Variants in USP15 observed in about 807,000 individuals in gnomAD.
USP15 encodes the protein ubiquitin specific peptidase 15, also known as ubiquitin carboxyl-terminal hydrolase 15.
USP15 carries 18 observed loss-of-function variants against 127.1 expected under a neutral mutation model. The observed-to-expected ratio is 0.14, with a 90% CI of 0.10 to 0.21. USP15 has a LOEUF of 0.21. Ranked by LOEUF, USP15 falls within the 10% of genes least tolerant of loss-of-function variation. The pLI, the probability that USP15 is intolerant of heterozygous loss-of-function variation, is 1.00. For synonymous variants in USP15, 364 were observed against 393.7 expected (o/e 0.92, Z 0.89); for missense variants, 805 against 1,159.9 (o/e 0.69, Z 4.44).
At position 62,404,529 on chromosome 12, in the gene USP15, T is replaced by C. The variant is rs1009553351; in HGVS notation, c.*154T>C. ...TATCAGATTTTAACTTGTGCAGTAC[T>C]TGAAGTGAAACACAATGAAAACTTT... On this transcript the variant is annotated 3_prime_UTR_variant, in exon 22 of 22. Coordinates refer to ENST00000280377, the MANE Select transcript of USP15 (RefSeq NM_001252078.2). The C allele has an allele frequency of 1.8e-6, 2 of 1,100,240 alleles. No individual in the cohort carries two copies. Among genetic ancestry groups the C allele is most frequent in the Non-Finnish European group, 2.4e-6 (2 of 833,436 alleles). The allele number at this position is 1,100,240 out of a possible 1,614,324, so 68.2% of individuals were successfully genotyped here. A position where few individuals can be genotyped will look rare whatever the true frequency, so the allele number is the denominator to read the frequency against.
At chr12:62,274,520 C>T (rs997423311) in intron 1 of USP15, among the ~76,000 whole-genome samples, 4 of 151,906 alleles carry the variant, frequency 2.6e-5, no homozygotes, top group Admixed American at 1.3e-4. Context: ...GTGGTGCTGT[C>T]TGTCGTCCCA....
intron 1 of USP15, among the ~76,000 whole-genome samples, chr12:62,292,089 G>A (rs1209695006): frequency 6.6e-6 from 1 of 152,034 alleles, no homozygotes; most frequent in Admixed American, 6.5e-5. Context: ...CAGGGGAGAG[G>A]GGAGTCATTG....
chr12:62,316,694 C>G (rs377193251), intron 4 of USP15, among the ~76,000 whole-genome samples: 1 of 151,876 alleles, frequency 6.6e-6, no homozygotes, highest in African/African-American at 2.4e-5. Context: ...AAATATGAGA[C>G]CATCAGAGAT....
chr12:62,278,908 A>G (rs941874581), intron 1 of USP15, among the ~76,000 whole-genome samples: 1 of 152,170 alleles, frequency 6.6e-6, no homozygotes, highest in Non-Finnish European at 1.5e-5. Context: ...GATATTAGAA[A>G]TATGGTTTCT....
intron 1 of USP15, among the ~76,000 whole-genome samples, chr12:62,266,161 T>G (rs911324331): frequency 1.3e-5 from 2 of 152,214 alleles, no homozygotes; most frequent in African/African-American, 4.8e-5. Flanking sequence ...CTTTTGAATT[T>G]TAATTGTCTA....
intron 6 of USP15, among the ~76,000 whole-genome samples, chr12:62,338,781 G>C (rs796156595): frequency 6.6e-6 from 1 of 152,146 alleles, no homozygotes; most frequent in Non-Finnish European, 1.5e-5. Flanking sequence ...CATGGTTGTA[G>C]ATGTGTGGAG....
intron 6 of USP15, among the ~76,000 whole-genome samples, chr12:62,348,990 C>G (rs969174567): frequency 3.9e-5 from 6 of 152,014 alleles, no homozygotes; most frequent in African/African-American, 1.4e-4. Context: ...TAGCAAGTCG[C>G]ATATTTAATT....
intron 6 of USP15, chr12:62,328,342 T>G: frequency 2.2e-6 from 1 of 452,450 alleles, no homozygotes; most frequent in South Asian, 1.6e-5. Context: ...TGATGTAGTA[T>G]GAAAGCAGCC....
At chr12:62,330,724 G>A (rs536103874) in intron 6 of USP15, among the ~76,000 whole-genome samples, 3 of 148,634 alleles carry the variant, frequency 2.0e-5, no homozygotes, top group Non-Finnish European at 4.5e-5. Flanking sequence ...AGTTCAAGAC[G>A]ACTCTGTGCA....
In USP15 at chr12:62,370,263, G is replaced by A. The variant is rs578182479; in HGVS notation, c.916-11227G>A. 5.3e-5 allele frequency among the ~76,000 whole-genome samples: 8 copies of A among 152,194 alleles called. No homozygotes were observed. In the South Asian group the frequency reaches 1.2e-3, roughly 24 times the overall value. ...ATACTTTTAACCTCACCTCTTCACT[G>A]TCTTTCTTCCTTTCAGCGTATATAC... On this transcript the variant is annotated intron_variant, in intron 8 of 21. Coordinates refer to ENST00000280377, the MANE Select transcript of USP15 (RefSeq NM_001252078.2).
chr12:62,322,593 C>T (rs1305344415), intron 5 of USP15, among the ~76,000 whole-genome samples: 1 of 152,092 alleles, frequency 6.6e-6, no homozygotes, highest in Non-Finnish European at 1.5e-5. Flanking sequence ...TATCTCCAGG[C>T]TCTTGTATGT....
intron 19 of USP15, among the ~76,000 whole-genome samples, chr12:62,395,906 C>T (rs1464234824): frequency 6.6e-6 from 1 of 151,918 alleles, no homozygotes; most frequent in Non-Finnish European, 1.5e-5. Flanking sequence ...TTGATAGACA[C>T]TTAGTTCCAT....
intron 20 of USP15, among the ~76,000 whole-genome samples, chr12:62,396,974 G>T (rs1443674764): frequency 6.6e-6 from 1 of 152,196 alleles, no homozygotes; most frequent in Non-Finnish European, 1.5e-5. Flanking sequence ...GTGCCCAAAA[G>T]TGAAATTGCT....
At chr12:62,379,376 T>C (rs2066921824) in intron 8 of USP15, among the ~76,000 whole-genome samples, 1 of 152,022 alleles carries the variant, frequency 6.6e-6, no homozygotes, top group Admixed American at 6.6e-5. Flanking sequence ...TTCTAAGAAT[T>C]TGGGCTTCCA....
chr12:62,367,637 G>T (rs1389108099), intron 8 of USP15, among the ~76,000 whole-genome samples: 1 of 152,102 alleles, frequency 6.6e-6, no homozygotes, highest in East Asian at 1.9e-4. Context: ...TTTTATTTCT[G>T]TGGGGTCAGT....
At chr12:62,323,361 A>G (rs927328104) in intron 5 of USP15, among the ~76,000 whole-genome samples, 1 of 152,158 alleles carries the variant, frequency 6.6e-6, no homozygotes, top group Non-Finnish European at 1.5e-5. Flanking sequence ...GTTAACATCA[A>G]TAATATGATT....
rs145108477 is a variant in USP15, at chr12:62,391,865, T to C, written c.2283T>C (p.Tyr761=). 5 of 1,610,190 alleles carry C rather than the reference T, an allele frequency of 3.1e-6. No homozygotes were observed. Among genetic ancestry groups the C allele is most frequent in the African/African-American group, 2.7e-5 (2 of 74,768 alleles). The change falls in exon 17 of 22, where the codon TAT becomes TAC. Residue 761 remains tyrosine (Y), a synonymous_variant. Transcript: ENST00000280377. ...LDWDPDLKKR[Y]FDENAAEDFE... The stretch of plus-strand genomic sequence containing the variant: ...GGGATCCTGATTTGAAAAAAAGATA[T>C]TTTGATGAAAATGCTGCTGAGGTAA...
At chr12:62,390,187 CA>C (rs1229772555) in intron 14 of USP15, among the ~76,000 whole-genome samples, 199 bp downstream of exon 14, 2 of 151,950 alleles carry the variant, frequency 1.3e-5, no homozygotes, top group Non-Finnish European at 2.9e-5. Context: ...ATTTCAAACC[CA>C]GGAAGCACGA....
In USP15 at chr12:62,302,684, T is replaced by A. The variant is rs2064352547; in HGVS notation, c.218-106T>A. On this transcript the variant is annotated intron_variant, in intron 2 of 21. Coordinates refer to ENST00000280377, the MANE Select transcript of USP15 (RefSeq NM_001252078.2). ...TAAGGGAGCTGAATTGCTTTAGAGC[T>A]TAAAACTTGTTTTAAATACTTAAAT... is the stretch of plus-strand genomic sequence containing the variant. 8 of 1,314,148 alleles carry A rather than the reference T, an allele frequency of 6.1e-6. No individual in the cohort carries two copies. In the South Asian group the frequency reaches 1.3e-4, roughly 22 times the overall value. 81.4% of individuals were successfully genotyped at this position (1,314,148 alleles called of 1,614,324 possible). A position where few individuals can be genotyped will look rare whatever the true frequency, so the allele number is the denominator to read the frequency against.
Sources: gnomAD v4.1 joint callset for allele counts (sites outside exome capture counted in the v4.1 genomes callset) on GRCh38, gnomAD v4.1.1 for gene constraint, MANE v1.5 for transcripts, NCBI Gene and HGNC (gene_info 2026-07-23, HGNC 2026-07-21) for gene names.